PTPRD: variants seen among roughly 807,000 people sequenced by gnomAD.
PTPRD encodes receptor-type tyrosine-protein phosphatase delta.
A neutral mutation model predicts 214.5 loss-of-function variants in PTPRD; 34 were observed. That is an observed-to-expected ratio of 0.16 (90% CI 0.12 to 0.21). The LOEUF is 0.21. Among genes scored for constraint, PTPRD ranks in the 10% least tolerant of loss-of-function variants. The pLI is 1.00. For synonymous variants in PTPRD, 1,128 were observed against 845.7 expected, an observed-to-expected ratio of 1.33 and a Z score of -5.79; for missense variants, 2,545 against 2,398.7, an observed-to-expected ratio of 1.06 and a Z score of -1.27.
At chr9:8,472,348 A>G (rs1448678074) in intron 30 of PTPRD, among the ~76,000 whole-genome samples, 3 of 152,316 alleles carry the variant, frequency 2.0e-5, no homozygotes, top group Middle Eastern at 3.4e-3. Context: ...AACAAGAGGA[A>G]GGACACTCCC....
At chr9:8,733,316 G>C (rs2098680333) in intron 12 of PTPRD, among the ~76,000 whole-genome samples, 2 of 152,038 alleles carry the variant, frequency 1.3e-5, no homozygotes, top group South Asian at 2.1e-4. Flanking sequence ...CAGTACATTA[G>C]AACAGCTGCT....
At chr9:9,256,414 C>CT (rs913223066) in intron 9 of PTPRD, among the ~76,000 whole-genome samples, 10 of 151,594 alleles carry the variant, frequency 6.6e-5, no homozygotes, top group Non-Finnish European at 1.0e-4. Context: ...TTTTTTCTCT[C>CT]TTTTTTTTCC....
In PTPRD at chr9:8,314,865, T is replaced by C. The variant is rs545885349; in HGVS notation, c.*3009A>G. ...TAGGGCAGTGCATAGTACAAAGGTA[T>C]AGAAAGTGCAAAGTTCCCTAGAGGC... On this transcript the variant is annotated 3_prime_UTR_variant, in exon 46 of 46. Coordinates refer to ENST00000381196, the MANE Select transcript of PTPRD (RefSeq NM_002839.4). 1 of 232,454 alleles carries C rather than the reference T, an allele frequency of 4.3e-6. No individual in the cohort carries two copies. The highest frequency in any genetic ancestry group is 1.8e-4 in the South Asian group (1 of 5,524). 14.4% of individuals were successfully genotyped at this position (232,454 alleles called of 1,614,324 possible).
chr9:9,332,350 A>T (rs1016978591), intron 9 of PTPRD, among the ~76,000 whole-genome samples: 1 of 151,962 alleles, frequency 6.6e-6, no homozygotes, highest in Non-Finnish European at 1.5e-5. Flanking sequence ...AAAAATATTT[A>T]TCCCTCAGAT....
chr9:9,482,550 C>T (rs1211690000), intron 8 of PTPRD, among the ~76,000 whole-genome samples: 1 of 152,038 alleles, frequency 6.6e-6, no homozygotes, highest in Non-Finnish European at 1.5e-5. Flanking sequence ...TGAGAAAAGC[C>T]AAAGAAGCAT....
intron 3 of PTPRD, among the ~76,000 whole-genome samples, chr9:10,100,443 G>C (rs956774702): frequency 2.0e-5 from 3 of 151,656 alleles, no homozygotes; most frequent in Non-Finnish European, 3.0e-5. Flanking sequence ...TCCAGGTAGA[G>C]AAGGCAATTG....
chr9:8,602,424 A>G (rs1231927971), intron 14 of PTPRD, among the ~76,000 whole-genome samples: 2 of 152,248 alleles, frequency 1.3e-5, no homozygotes, highest in African/African-American at 4.8e-5. Flanking sequence ...CTCTTGCCAC[A>G]TGATATAAAC....
intron 8 of PTPRD, among the ~76,000 whole-genome samples, chr9:9,428,543 C>A (rs192580373): frequency 1.2e-3 from 183 of 152,270 alleles, no homozygotes; most frequent in African/African-American, 4.3e-3. Context: ...CAGCTCTGCA[C>A]CAAGTGGACT....
intron 3 of PTPRD, among the ~76,000 whole-genome samples, chr9:10,146,107 T>C (rs2099020519): frequency 6.6e-6 from 1 of 151,318 alleles, no homozygotes; most frequent in Non-Finnish European, 1.5e-5. Context: ...CTTATTTTCT[T>C]AGTTTCCTCT....
At chr9:10,063,805 C>T (rs1433262541) in intron 3 of PTPRD, among the ~76,000 whole-genome samples, 7 of 151,958 alleles carry the variant, frequency 4.6e-5, no homozygotes, top group Admixed American at 4.6e-4. Flanking sequence ...TGTGAAACAT[C>T]TATTGCAGGT....
chr9:9,671,702 T>G (rs2096835684), intron 7 of PTPRD, among the ~76,000 whole-genome samples: 1 of 152,134 alleles, frequency 6.6e-6, no homozygotes, highest in African/African-American at 2.4e-5. Flanking sequence ...CATAAGGGGT[T>G]TGCACTTTTG....
intron 14 of PTPRD, among the ~76,000 whole-genome samples, chr9:8,601,422 G>GC (rs1251000487): frequency 2.6e-5 from 4 of 152,144 alleles, no homozygotes; most frequent in Non-Finnish European, 4.4e-5. Context: ...GTTACAGCAG[G>GC]CCTTGGGCAA....
At chr9:8,456,180 T>A (rs1366146589) in intron 33 of PTPRD, among the ~76,000 whole-genome samples, 1 of 152,150 alleles carries the variant, frequency 6.6e-6, no homozygotes, top group South Asian at 2.1e-4. Context: ...CAATAATGAA[T>A]AAGACAGAGT....
chr9:10,552,535 C>T (rs1400432711), intron 2 of PTPRD, among the ~76,000 whole-genome samples: 1 of 151,798 alleles, frequency 6.6e-6, no homozygotes. Context: ...TTCAGTTTTT[C>T]CTCCTATCTC....
At chr9:10,399,074 G>A (rs1393083927) in intron 2 of PTPRD, among the ~76,000 whole-genome samples, 2 of 151,968 alleles carry the variant, frequency 1.3e-5, no homozygotes, top group African/African-American at 4.8e-5. Context: ...GAGATTGAGA[G>A]TGGTTGGCTC....
chr9:10,167,268 C>T (rs759167544), intron 3 of PTPRD, among the ~76,000 whole-genome samples: 4 of 151,952 alleles, frequency 2.6e-5, no homozygotes, highest in Non-Finnish European at 4.4e-5. Context: ...TATTTTTGAG[C>T]ACTCATGGCA....
rs138882333 is a variant in PTPRD at position 10,376,867 on chromosome 9, C to T, written c.-599-35850G>A. Among the ~76,000 whole-genome samples the T allele has an allele frequency of 1.7e-3, 265 of 151,828 alleles. 1 individual carries two copies. Among genetic ancestry groups the T allele is most frequent in the African/African-American group, 5.7e-3 (238 of 41,430 alleles). On this transcript the variant is annotated intron_variant, in intron 2 of 45. Transcript: ENST00000381196. ...TAGTCGCATCATGTAAAATAGAGTA[C>T]GTAACCCTTCAAGCATTTATCCTTT...
At chr9:9,427,979 C>A (rs1485893644) in intron 8 of PTPRD, among the ~76,000 whole-genome samples, 1 of 152,164 alleles carries the variant, frequency 6.6e-6, no homozygotes, top group Non-Finnish European at 1.5e-5. Flanking sequence ...TAAAGACCAT[C>A]AATGCTAGGA....
chr9:10,486,487 T>A (rs566925879), intron 2 of PTPRD, among the ~76,000 whole-genome samples: 1 of 152,162 alleles, frequency 6.6e-6, no homozygotes, highest in Non-Finnish European at 1.5e-5. Flanking sequence ...GATCAGATAG[T>A]TGTAGATGTG....
Sources: allele counts gnomAD v4.1 joint callset (sites outside exome capture counted in the v4.1 genomes callset), GRCh38; gene constraint gnomAD v4.1.1; transcripts MANE v1.5; gene names NCBI Gene and HGNC (gene_info 2026-07-23, HGNC 2026-07-21).